Variants in MAOB observed in about 807,000 individuals in gnomAD.
MAOB encodes the protein monoamine oxidase B.
MAOB carries 15 observed loss-of-function variants against 41.9 expected under a neutral mutation model. The ratio of observed to expected loss-of-function variants is 0.36; its 90% CI spans 0.24 to 0.55. The LOEUF is 0.55. Among genes scored for constraint, MAOB ranks in the 20% least tolerant of loss-of-function variants. MAOB has a pLI of 0.86. For synonymous variants in MAOB, 167 were observed against 144.2 expected (o/e 1.16, Z -1.13); for missense variants, 345 against 398.7 (o/e 0.87, Z 1.15).
chrX:43,817,384 C>A (rs1196721658), intron 3 of MAOB, among the ~76,000 whole-genome samples: 1 of 111,056 alleles, frequency 9.0e-6, no homozygotes, highest in African/African-American at 3.3e-5. Flanking sequence ...GTTCTAAATT[C>A]AAAATATATC....
intron 3 of MAOB, among the ~76,000 whole-genome samples, chrX:43,838,626 TG>T (rs902003911): frequency 1.8e-5 from 2 of 112,520 alleles, no homozygotes; most frequent in South Asian, 3.7e-4. Flanking sequence ...TTATGGGTTT[TG>T]TTAAACATTT....
chrX:43,780,477 C>T (rs1255139219), intron 9 of MAOB, 82 bp from the exon 10 acceptor site: 9 of 623,840 alleles, frequency 1.4e-5, no homozygotes, highest in South Asian at 3.3e-5. Context: ...CACATGTGCC[C>T]AGTTTACACA....
rs188611462 is a variant in MAOB at position 43,841,789 on chromosome X, C to A, written c.141+1881G>T. Among the ~76,000 whole-genome samples, 43 of 111,803 alleles carry A rather than the reference C, an allele frequency of 3.8e-4. No individual in the cohort carries two copies. The East Asian group carries it at 8.7e-3, about 23-fold the overall frequency. The stretch of plus-strand genomic sequence containing the variant: ...AATCAATTGAGTTTTGATGAAGATT[C>A]CAAGAACACACAATGGGGAAAGGAC... On this transcript the variant is annotated intron_variant, in intron 2 of 14. Transcript: ENST00000378069.
At chrX:43,857,339 C>T (rs1412311169) in intron 1 of MAOB, among the ~76,000 whole-genome samples, 2 of 106,558 alleles carry the variant, frequency 1.9e-5, no homozygotes, top group Non-Finnish European at 3.9e-5. Flanking sequence ...CACCACCACG[C>T]CTGGCTAATT....
chrX:43,788,767 A>G (rs888538547), intron 8 of MAOB, among the ~76,000 whole-genome samples: 6 of 111,666 alleles, frequency 5.4e-5, no homozygotes, highest in Non-Finnish European at 1.1e-4. Context: ...TTTAAAAAAC[A>G]TGTTTTTGGA....
chrX:43,783,093 G>A (rs2034355675), intron 8 of MAOB, among the ~76,000 whole-genome samples: 1 of 112,168 alleles, frequency 8.9e-6, no homozygotes, highest in South Asian at 3.7e-4. Context: ...AGACAAGGAT[G>A]CCCTCTCTCA....
intron 1 of MAOB, among the ~76,000 whole-genome samples, chrX:43,862,934 C>CAA (rs1210503207): frequency 9.0e-6 from 1 of 111,509 alleles, no homozygotes; most frequent in East Asian, 2.8e-4. Flanking sequence ...ACTTTGCCAG[C>CAA]AATTAAAAAT....
intron 1 of MAOB, among the ~76,000 whole-genome samples, chrX:43,857,165 A>AGAGAGAGAGAG (rs2035303039): frequency 2.8e-5 from 1 of 35,469 alleles, no homozygotes; most frequent in African/African-American, 1.4e-4. Context: ...AGAGAGAGAG[A>AGAGAGAGAGAG]AGAAGAGAGA....
chrX:43,857,242 G>A (rs921369723), intron 1 of MAOB, among the ~76,000 whole-genome samples: 5 of 100,528 alleles, frequency 5.0e-5, no homozygotes, highest in African/African-American at 1.1e-4. Context: ...GTGCAATGGC[G>A]CAATCTCAGC....
At chrX:43,825,078 C>T (rs769045036) in intron 3 of MAOB, among the ~76,000 whole-genome samples, 1 of 112,812 alleles carries the variant, frequency 8.9e-6, no homozygotes, top group South Asian at 3.7e-4. Flanking sequence ...TCTGTGCGTA[C>T]TGTGTCATGA....
chrX:43,825,557 CTAA>C (rs1488507468), intron 3 of MAOB, among the ~76,000 whole-genome samples: 2 of 111,305 alleles, frequency 1.8e-5, no homozygotes, highest in Admixed American at 1.9e-4. Flanking sequence ...TCATCACTTT[CTAA>C]TACAACACAC....
At chrX:43,872,571 C>T (rs755880173) in intron 1 of MAOB, among the ~76,000 whole-genome samples, 184 of 111,530 alleles carry the variant, frequency 1.6e-3, no homozygotes, top group African/African-American at 5.2e-3. Context: ...GAATTATGTA[C>T]AACAATTTAG....
Position 43,804,763 on chromosome X carries a change from C to T in MAOB, c.280-1359G>A, listed in dbSNP as rs1381350603. Reference sequence around the variant, plus strand: ...GTCATCAATCTTTTTCTCTTAAGGACTTCAACTGATTGGATAAAGTCCATT... The same window carrying T: ...GTCATCAATCTTTTTCTCTTAAGGATTTCAACTGATTGGATAAAGTCCATT... On this transcript the variant is annotated intron_variant, in intron 3 of 14. Coordinates refer to ENST00000378069, the MANE Select transcript of MAOB (RefSeq NM_000898.5). Among the ~76,000 whole-genome samples the T allele has an allele frequency of 2.7e-5, 3 of 111,800 alleles. No homozygotes were observed. In the Admixed American group the frequency reaches 2.8e-4, roughly 11 times the overall value.
intron 10 of MAOB, 49 bp downstream of exon 10, chrX:43,780,293 G>A (rs776653384): frequency 1.2e-5 from 12 of 998,879 alleles, no homozygotes; most frequent in African/African-American, 2.3e-5. Context: ...GGGATGGAGT[G>A]GGGGGGAAAG....
intron 11 of MAOB, among the ~76,000 whole-genome samples, chrX:43,777,072 G>A (rs985724573): frequency 2.7e-5 from 3 of 110,716 alleles, no homozygotes; most frequent in African/African-American, 6.6e-5. Context: ...ATAAACATAC[G>A]TGTGCATATG....
chrX:43,882,180 C>A lies in MAOB; in HGVS notation c.46+74G>T, dbSNP rs2035477526. Reference sequence around the variant, plus strand: ...AGGGTCAGCCCCTGCCCCACGGCCGCCCCCCGCGTCTCCCCCAGGCAGCCA... The same window carrying A: ...AGGGTCAGCCCCTGCCCCACGGCCGACCCCCGCGTCTCCCCCAGGCAGCCA... On this transcript the variant is annotated intron_variant, in intron 1 of 14. Transcript: ENST00000378069. 5.1e-6 allele frequency: 6 copies of A among 1,177,055 alleles called. No individual in the cohort carries two copies. The Admixed American group carries it at 7.2e-5, about 14-fold the overall frequency.
chrX:43,876,760 GTT>G, intron 1 of MAOB, among the ~76,000 whole-genome samples: 1 of 112,799 alleles, frequency 8.9e-6, no homozygotes, highest in East Asian at 2.8e-4. Flanking sequence ...CATCATCTGT[GTT>G]AGTAAATCAT....
chrX:43,826,853 C>A (rs1458288562), intron 3 of MAOB, among the ~76,000 whole-genome samples: 1 of 111,967 alleles, frequency 8.9e-6, no homozygotes, highest in African/African-American at 3.2e-5. Flanking sequence ...TTAAAAGTCC[C>A]ACAACTCAAA....
intron 12 of MAOB, among the ~76,000 whole-genome samples, chrX:43,771,550 C>T (rs2034184542): frequency 9.0e-6 from 1 of 111,127 alleles, no homozygotes; most frequent in Non-Finnish European, 1.9e-5. Flanking sequence ...TAAGGGTACT[C>T]AGGAAGGAAC....
Sources: allele counts gnomAD v4.1 joint callset (sites outside exome capture counted in the v4.1 genomes callset), GRCh38; gene constraint gnomAD v4.1.1; transcripts MANE v1.5; gene names NCBI Gene and HGNC (gene_info 2026-07-23, HGNC 2026-07-21).